PTPRT: variants seen among roughly 807,000 people sequenced by gnomAD.
The protein encoded by PTPRT is protein tyrosine phosphatase receptor type T, also known as receptor-type tyrosine-protein phosphatase T.
PTPRT carries 56 observed loss-of-function variants against 176.8 expected under a neutral mutation model. The ratio of observed to expected loss-of-function variants is 0.32; its 90% confidence interval spans 0.26 to 0.40. The LOEUF is 0.40. PTPRT is among the 10% of genes least tolerant of loss of function. The pLI is 1.00. For missense variants in PTPRT, 1,540 were observed against 1,908.2 expected, an observed-to-expected ratio of 0.81 and a Z score of 3.60; for synonymous variants, 783 against 739.0, an observed-to-expected ratio of 1.06 and a Z score of -0.96.
chr20:42,480,998 A>G (rs1320776733), intron 7 of PTPRT, among the ~76,000 whole-genome samples: 1 of 152,068 alleles, frequency 6.6e-6, no homozygotes, highest in Non-Finnish European at 1.5e-5. Context: ...GGCAAGTACA[A>G]CAATACTCTA....
At chr20:42,169,160 A>T (rs1340386523) in intron 16 of PTPRT, among the ~76,000 whole-genome samples, 4 of 152,192 alleles carry the variant, frequency 2.6e-5, no homozygotes, top group African/African-American at 9.7e-5. Flanking sequence ...GGGTTGGGGC[A>T]TTTCCAAGCT....
At chr20:42,715,197 A>T (rs1342541848) in intron 6 of PTPRT, among the ~76,000 whole-genome samples, 2 of 152,220 alleles carry the variant, frequency 1.3e-5, no homozygotes, top group Non-Finnish European at 2.9e-5. Context: ...ACCAGGATAA[A>T]ATTCAATACC....
chr20:42,648,812 G>A (rs988284762), intron 7 of PTPRT, among the ~76,000 whole-genome samples: 27 of 116,106 alleles, frequency 2.3e-4, no homozygotes, highest in South Asian at 5.0e-4. Flanking sequence ...TTTTTTTTTG[G>A]TGTCGTTGTT....
chr20:42,929,184 A>C (rs1026836801), intron 1 of PTPRT, among the ~76,000 whole-genome samples: 2 of 152,382 alleles, frequency 1.3e-5, no homozygotes, highest in Admixed American at 1.3e-4. Flanking sequence ...TGTGCCTTAC[A>C]TGCAAGGATA....
chr20:43,155,089 A>G (rs1242238132), intron 1 of PTPRT, among the ~76,000 whole-genome samples: 1 of 152,200 alleles, frequency 6.6e-6, no homozygotes, highest in Non-Finnish European at 1.5e-5. Flanking sequence ...ACCCTTATAC[A>G]CTGTTGGTGG....
At chr20:43,133,689 A>G (rs1269635032) in intron 1 of PTPRT, among the ~76,000 whole-genome samples, 2 of 151,390 alleles carry the variant, frequency 1.3e-5, no homozygotes, top group Non-Finnish European at 2.9e-5. Flanking sequence ...TGGAGCTTGC[A>G]GTGAGCCAAG....
chr20:42,366,213 C>T (rs2058511763), intron 9 of PTPRT, among the ~76,000 whole-genome samples: 1 of 152,200 alleles, frequency 6.6e-6, no homozygotes, highest in African/African-American at 2.4e-5. Context: ...TTGAGGGTAG[C>T]CCAGGTCCCC....
At chr20:43,168,750 T>C (rs1568824046) in intron 1 of PTPRT, among the ~76,000 whole-genome samples, 1 of 152,110 alleles carries the variant, frequency 6.6e-6, no homozygotes, top group Non-Finnish European at 1.5e-5. Context: ...CCTCTCCCTT[T>C]TACCTGTGCC....
intron 27 of PTPRT, among the ~76,000 whole-genome samples, chr20:42,093,407 A>G (rs1984843814): frequency 6.6e-6 from 1 of 152,180 alleles, no homozygotes; most frequent in African/African-American, 2.4e-5. Flanking sequence ...AGAAGTTTGA[A>G]TGCCTTTATT....
intron 15 of PTPRT, among the ~76,000 whole-genome samples, chr20:42,225,755 C>G (rs1208174840): frequency 6.6e-6 from 1 of 152,178 alleles, no homozygotes; most frequent in African/African-American, 2.4e-5. Flanking sequence ...CGGCTTCAAG[C>G]GATTCCTCTG....
chr20:42,803,410 T>C (rs972841948), intron 2 of PTPRT, among the ~76,000 whole-genome samples: 11 of 152,210 alleles, frequency 7.2e-5, no homozygotes, highest in Admixed American at 6.5e-4. Context: ...CCTCAGCCTA[T>C]CAGGGTAGAC....
chr20:42,934,704 C>T (rs1355426185), intron 1 of PTPRT, among the ~76,000 whole-genome samples: 1 of 152,168 alleles, frequency 6.6e-6, no homozygotes, highest in Non-Finnish European at 1.5e-5. Context: ...TCTCACAACA[C>T]ACCAGCTTGC....
intron 7 of PTPRT, among the ~76,000 whole-genome samples, chr20:42,651,775 A>C (rs991826075): frequency 2.0e-5 from 3 of 152,176 alleles, no homozygotes; most frequent in African/African-American, 7.2e-5. Flanking sequence ...GGCCAGGCAC[A>C]GTGGCTCATG....
At chr20:43,021,959 G>A (rs967232144) in intron 1 of PTPRT, among the ~76,000 whole-genome samples, 9 of 152,124 alleles carry the variant, frequency 5.9e-5, no homozygotes, top group African/African-American at 1.9e-4. Flanking sequence ...CAGGACAGAA[G>A]AGCAGGGAAA....
intron 1 of PTPRT, among the ~76,000 whole-genome samples, chr20:43,084,311 G>A (rs1051180564): frequency 6.6e-6 from 1 of 152,104 alleles, no homozygotes; most frequent in Non-Finnish European, 1.5e-5. Context: ...CCTGAGATGG[G>A]GTAATTTATA....
intron 7 of PTPRT, among the ~76,000 whole-genome samples, chr20:42,554,306 T>A (rs898314206): frequency 2.2e-4 from 34 of 152,112 alleles, no homozygotes; most frequent in Non-Finnish European, 3.7e-4. Flanking sequence ...TAAAAAAAAA[T>A]TCTGTAAAAC....
chr20:43,120,159 T>C (rs1727636072), intron 1 of PTPRT, among the ~76,000 whole-genome samples: 1 of 152,144 alleles, frequency 6.6e-6, no homozygotes, highest in Non-Finnish European at 1.5e-5. Flanking sequence ...ACACCCACAA[T>C]AGAATTACGA....
intron 7 of PTPRT, among the ~76,000 whole-genome samples, chr20:42,563,791 C>G (rs1359487662): frequency 6.6e-6 from 1 of 152,158 alleles, no homozygotes; most frequent in Non-Finnish European, 1.5e-5. Flanking sequence ...CGTGTGTGCA[C>G]ACACATGCCC....
At chr20:42,527,668 C>A (rs568167792) in intron 7 of PTPRT, among the ~76,000 whole-genome samples, 1 of 152,296 alleles carries the variant, frequency 6.6e-6, no homozygotes, top group African/African-American at 2.4e-5. Flanking sequence ...TTCTTAACAA[C>A]CTTTGATATG....
Sources: gnomAD v4.1 joint callset for allele counts (sites outside exome capture counted in the v4.1 genomes callset) on GRCh38, gnomAD v4.1.1 for gene constraint, MANE v1.5 for transcripts, NCBI Gene and HGNC (gene_info 2026-07-23, HGNC 2026-07-21) for gene names.